PIK3CA: variants seen among roughly 807,000 people sequenced by gnomAD.
The protein encoded by PIK3CA is phosphatidylinositol 4,5-bisphosphate 3-kinase catalytic subunit alpha isoform.
A neutral mutation model predicts 138.2 loss-of-function variants in PIK3CA; 27 were observed. The ratio of observed to expected loss-of-function variants is 0.20; its 90% CI spans 0.14 to 0.27. The LOEUF (loss-of-function observed/expected upper bound fraction) is 0.27, where lower values mean the gene tolerates loss of function less well. Ranked by LOEUF, PIK3CA falls within the 10% of genes least tolerant of loss-of-function variation. The probability of loss-of-function intolerance (pLI) is 1.00; values close to 1 mark genes in which losing one functional copy is unlikely to be tolerated. For synonymous variants in PIK3CA, 358 were observed against 413.2 expected (o/e 0.87, Z 1.62); for missense variants, 544 against 1,277.4 (o/e 0.43, Z 8.75).
At chr3:179,177,166 T>C (rs1349734110) in intron 1 of PIK3CA, among the ~76,000 whole-genome samples, 1 of 152,176 alleles carries the variant, frequency 6.6e-6, no homozygotes, top group Non-Finnish European at 1.5e-5. Flanking sequence ...TCGTATGTGT[T>C]GCAGGTGCTT....
chr3:179,224,976 A>G (rs548458211), intron 16 of PIK3CA, among the ~76,000 whole-genome samples, 155 bp downstream of exon 16: 2 of 152,304 alleles, frequency 1.3e-5, no homozygotes, highest in Admixed American at 1.3e-4. Context: ...GACCTTTGAA[A>G]TATGCATGTA....
At chr3:179,210,826 G>C (rs1724691987) in intron 9 of PIK3CA, among the ~76,000 whole-genome samples, 1 of 152,168 alleles carries the variant, frequency 6.6e-6, no homozygotes, top group Non-Finnish European at 1.5e-5. Context: ...AAAGGCACTA[G>C]GTAATAAAGT....
intron 9 of PIK3CA, among the ~76,000 whole-genome samples, chr3:179,211,247 TA>T: frequency 6.6e-6 from 1 of 152,154 alleles, no homozygotes. Flanking sequence ...AATGCAAACA[TA>T]TATAAAGATG....
intron 1 of PIK3CA, among the ~76,000 whole-genome samples, chr3:179,174,020 G>A (rs140090721): frequency 3.9e-4 from 60 of 152,076 alleles, no homozygotes; most frequent in Admixed American, 6.5e-4. Flanking sequence ...GACCCATTGC[G>A]CCCGGCCCGG....
intron 6 of PIK3CA, among the ~76,000 whole-genome samples, chr3:179,209,218 A>T (rs1006418578): frequency 6.6e-6 from 1 of 151,884 alleles, no homozygotes; most frequent in African/African-American, 2.4e-5. Context: ...CAGGGAATAC[A>T]TATGCTCACT....
rs1286279369 is a variant in PIK3CA, at chr3:179,168,203, A to C, written c.-77+19600A>C. The stretch of plus-strand genomic sequence containing the variant: ...GTAATTAATCAATTAAGTGCCTTAG[A>C]ATTGGTTCAGGGGAAGTAAAACTTT... On this transcript the variant is annotated intron_variant, in intron 1 of 20. Coordinates refer to ENST00000263967, the MANE Select transcript of PIK3CA (RefSeq NM_006218.4). 2.6e-5 allele frequency among the ~76,000 whole-genome samples: 4 copies of C among 152,160 alleles called. No individual in the cohort carries two copies. The East Asian group carries it at 7.7e-4, about 29-fold the overall frequency.
intron 14 of PIK3CA, among the ~76,000 whole-genome samples, chr3:179,223,718 C>T (rs1355154414): frequency 6.6e-6 from 1 of 152,176 alleles, no homozygotes; most frequent in African/African-American, 2.4e-5. Context: ...CTGCTATTCT[C>T]GTAAAAGCAG....
intron 9 of PIK3CA, among the ~76,000 whole-genome samples, chr3:179,213,804 A>G (rs1175191008): frequency 6.6e-6 from 1 of 152,238 alleles, no homozygotes; most frequent in Admixed American, 6.5e-5. Context: ...TTCTTCCATT[A>G]TAAGACTGTT....
At chr3:179,173,388 G>A (rs929994063) in intron 1 of PIK3CA, among the ~76,000 whole-genome samples, 13 of 120,448 alleles carry the variant, frequency 1.1e-4, no homozygotes, top group Non-Finnish European at 1.5e-4. Flanking sequence ...GTGAAACCCC[G>A]TCTCTGCTAA....
chr3:179,174,656 A>G (rs780492750), intron 1 of PIK3CA, among the ~76,000 whole-genome samples: 2 of 152,162 alleles, frequency 1.3e-5, no homozygotes, highest in Non-Finnish European at 2.9e-5. Flanking sequence ...AATATTTGAC[A>G]TTATTCATTA....
chr3:179,204,889 C>T (rs961047203), intron 6 of PIK3CA, among the ~76,000 whole-genome samples: 3 of 151,594 alleles, frequency 2.0e-5, no homozygotes, highest in South Asian at 2.1e-4. Context: ...GGCGTGGTGG[C>T]GGGCACCTGT....
At chr3:179,207,148 G>A (rs1398992433) in intron 6 of PIK3CA, among the ~76,000 whole-genome samples, 1 of 152,092 alleles carries the variant, frequency 6.6e-6, no homozygotes, top group Non-Finnish European at 1.5e-5. Context: ...TAAAAAGATA[G>A]AAAAGTAGAT....
rs1489794923 is a variant in PIK3CA, at chr3:179,239,453, GT to G, written c.*5094del. ...ATTTATTTCATTTTTATTTAATTTTGTTTTTATTTCATTTTTAAAAGTCCCT... is the reference window on the plus strand; with the variant it reads ...ATTTATTTCATTTTTATTTAATTTTGTTTTATTTCATTTTTAAAAGTCCCT... On this transcript the variant is annotated 3_prime_UTR_variant, in exon 21 of 21. Coordinates refer to ENST00000263967, the MANE Select transcript of PIK3CA (RefSeq NM_006218.4). 5.1e-6 allele frequency: 1 copy of G among 197,636 alleles called. No individual in the cohort carries two copies. Among genetic ancestry groups the G allele is most frequent in the African/African-American group, 2.3e-5 (1 of 43,264 alleles). The allele number at this position is 197,636 out of a possible 1,614,324, so 12.2% of individuals were successfully genotyped here.
intron 1 of PIK3CA, among the ~76,000 whole-genome samples, chr3:179,166,557 C>G (rs1723425504): frequency 6.6e-6 from 1 of 152,172 alleles, no homozygotes; most frequent in Non-Finnish European, 1.5e-5. Context: ...ATCTAACCTT[C>G]TTTACTCTGC....
At chr3:179,195,178 T>C (rs1293036470) in intron 1 of PIK3CA, among the ~76,000 whole-genome samples, 1 of 151,610 alleles carries the variant, frequency 6.6e-6, no homozygotes, top group Non-Finnish European at 1.5e-5. Flanking sequence ...TCCAGGCTTG[T>C]GTGTGAGCCT....
At chr3:179,222,573 T>C (rs1164296238) in intron 14 of PIK3CA, among the ~76,000 whole-genome samples, 2 of 152,166 alleles carry the variant, frequency 1.3e-5, no homozygotes, top group African/African-American at 4.8e-5. Context: ...ATTTTGTAGA[T>C]GTGATGGGAT....
chr3:179,178,118 T>G (rs1438335085), intron 1 of PIK3CA, among the ~76,000 whole-genome samples: 4 of 114,040 alleles, frequency 3.5e-5, no homozygotes, highest in South Asian at 3.3e-4. Context: ...TTTTTTTTTG[T>G]GTTTTTTTTT....
At position 179,210,214 on chromosome 3, in the gene PIK3CA, T is replaced by C; in HGVS notation, c.1280T>C (p.Ile427Thr). 6.3e-7 allele frequency: 1 copy of C among 1,591,630 alleles called. No homozygotes were observed. The highest frequency in any genetic ancestry group is 8.5e-7 in the Non-Finnish European group (1 of 1,174,330). The change falls in exon 8 of 21, where the codon ATA (isoleucine) becomes ACA (threonine). Residue 427 changes from isoleucine (I) to threonine (T), a missense_variant. This residue lies in a region of PIK3CA where 234 missense variants were observed against 401.3 expected (regional missense o/e 0.58). Transcript: ENST00000263967. ...CACTGTCCATTGGCATGGGGAAATA[T>C]AAACTTGTTTGATTACACAGACACT... ...EEHCPLAWGN[I>T]NLFDYTDTLV...
intron 3 of PIK3CA, 64 bp downstream of exon 3, chr3:179,199,963 C>A: frequency 1.2e-5 from 11 of 952,536 alleles, no homozygotes; most frequent in African/African-American, 1.7e-5. Flanking sequence ...GTGTCTATAT[C>A]TTTGTATAGT....
Sources: gnomAD v4.1 joint callset for allele counts (sites outside exome capture counted in the v4.1 genomes callset) on GRCh38, gnomAD v4.1.1 for gene constraint, gnomAD v4.1.1 regional missense constraint, MANE v1.5 for transcripts, NCBI Gene and HGNC (gene_info 2026-07-23, HGNC 2026-07-21) for gene names.